Variants in COL19A1 observed in about 807,000 individuals in gnomAD.
The protein encoded by COL19A1 is collagen alpha-1(XIX) chain.
In COL19A1, 159 loss-of-function variants were observed where a neutral mutation model predicts 190.2. The observed-to-expected ratio is 0.84, with a 90% CI of 0.73 to 0.95. The LOEUF (loss-of-function observed/expected upper bound fraction) is 0.95, where lower values mean the gene tolerates loss of function less well. Ranked by LOEUF, COL19A1 falls within the 40% of genes least tolerant of loss-of-function variation. COL19A1 has a pLI of 0.00. For synonymous variants in COL19A1, 509 were observed against 458.9 expected (o/e 1.11, Z -1.39); for missense variants, 1,418 against 1,431.9 (o/e 0.99, Z 0.16).
intron 15 of COL19A1, among the ~76,000 whole-genome samples, chr6:70,086,363 TAAGAGTACATGAAACAGA>T (rs1582876586): frequency 3.9e-5 from 6 of 152,264 alleles, no homozygotes; most frequent in Admixed American, 3.3e-4. Flanking sequence ...ATTTCTTTTT[TAAGAGTACATGAAACAGA>T]AAGATAATGT....
intron 2 of COL19A1, among the ~76,000 whole-genome samples, chr6:69,888,609 T>C (rs1769107738): frequency 6.6e-6 from 1 of 151,992 alleles, no homozygotes; most frequent in Non-Finnish European, 1.5e-5. Flanking sequence ...CTGGCCAACA[T>C]GGTGAAACCC....
intron 49 of COL19A1, among the ~76,000 whole-genome samples, chr6:70,205,501 T>C (rs1297926409): frequency 1.3e-5 from 2 of 152,210 alleles, no homozygotes; most frequent in Admixed American, 1.3e-4. Context: ...ACTGAGATGC[T>C]CTCCTACTGA....
At chr6:70,152,938 C>G (rs1013450922) in intron 31 of COL19A1, among the ~76,000 whole-genome samples, 47 of 152,172 alleles carry the variant, frequency 3.1e-4, no homozygotes, top group African/African-American at 1.1e-3. Flanking sequence ...TAGGCTCTGA[C>G]GGGAAGTGGA....
chr6:70,183,080 G>A (rs911433871), intron 44 of COL19A1, among the ~76,000 whole-genome samples: 1 of 152,124 alleles, frequency 6.6e-6, no homozygotes, highest in Non-Finnish European at 1.5e-5. Context: ...GGAAGAGACA[G>A]GAAAATGTGT....
At chr6:70,146,182 T>C (rs1474615312) in intron 25 of COL19A1, among the ~76,000 whole-genome samples, 1 of 152,140 alleles carries the variant, frequency 6.6e-6, no homozygotes, top group Non-Finnish European at 1.5e-5. Context: ...ACACTGGTTT[T>C]AAAACATAAA....
At chr6:69,944,083 A>G (rs546619803) in intron 9 of COL19A1, among the ~76,000 whole-genome samples, 23 of 152,106 alleles carry the variant, frequency 1.5e-4, no homozygotes, top group Non-Finnish European at 2.5e-4. Flanking sequence ...CCTTTGTACC[A>G]GTTATGTATG....
chr6:70,023,745 C>T, intron 12 of COL19A1, 65 bp downstream of exon 12: 1 of 1,452,950 alleles, frequency 6.9e-7, no homozygotes, highest in South Asian at 1.2e-5. Flanking sequence ...CTATTTAATG[C>T]TATTAAGATT....
chr6:69,891,780 C>T (rs1769368352), intron 2 of COL19A1, among the ~76,000 whole-genome samples: 1 of 152,208 alleles, frequency 6.6e-6, no homozygotes, highest in Non-Finnish European at 1.5e-5. Flanking sequence ...ATTAATGTGG[C>T]CTTCATCCAT....
chr6:69,875,139 G>A (rs919410748), intron 1 of COL19A1, among the ~76,000 whole-genome samples: 8 of 152,178 alleles, frequency 5.3e-5, no homozygotes, highest in Non-Finnish European at 7.3e-5. Context: ...GGGCTTTTGC[G>A]CATAGTAACA....
intron 11 of COL19A1, among the ~76,000 whole-genome samples, chr6:70,017,940 G>C (rs1217257479): frequency 6.6e-6 from 1 of 152,114 alleles, no homozygotes; most frequent in African/African-American, 2.4e-5. Flanking sequence ...ATGCAAACAG[G>C]AGTATTGGGA....
At position 70,190,392 on chromosome 6, in the gene COL19A1, C is replaced by T. The variant is rs1196509443; in HGVS notation, c.3094+11C>T. On this transcript the variant is annotated intron_variant, in intron 48 of 50. Transcript: ENST00000620364. ...TAAGGATTTTTGAAGGTTAGATTTT[C>T]TTAATAACATTTTCGAATTTTTCAC... The T allele has an allele frequency of 6.4e-7, 1 of 1,569,960 alleles. No homozygotes were observed. The highest frequency in any genetic ancestry group is 1.7e-5 in the Admixed American group (1 of 58,510).
At chr6:69,924,473 G>A (rs1214724763) in intron 4 of COL19A1, among the ~76,000 whole-genome samples, 1 of 152,160 alleles carries the variant, frequency 6.6e-6, no homozygotes, top group African/African-American at 2.4e-5. Flanking sequence ...TGGTGTATAT[G>A]TGCCACATTT....
At chr6:70,141,975 T>G (rs756868855) in intron 21 of COL19A1, 47 bp downstream of exon 21, 3 of 1,610,256 alleles carry the variant, frequency 1.9e-6, no homozygotes, top group Non-Finnish European at 2.5e-6. Context: ...TTAATGAGAT[T>G]ATGAAAATTA....
chr6:69,936,413 T>G (rs76684688), intron 7 of COL19A1, among the ~76,000 whole-genome samples: 3,507 of 152,296 alleles, frequency 0.023, 134 homozygotes, highest in African/African-American at 0.078. Context: ...TGTTTCAACT[T>G]TAATTTTTGT....
intron 13 of COL19A1, 46 bp downstream of exon 13, chr6:70,034,344 C>G (rs1779231172): frequency 7.0e-7 from 1 of 1,431,398 alleles, no homozygotes; most frequent in African/African-American, 1.4e-5. Context: ...TAAGAAAACT[C>G]TGACAACCTA....
rs183847061 is a variant in COL19A1, at chr6:70,031,141, T to C, written c.1081-3104T>C. 3.3e-5 allele frequency among the ~76,000 whole-genome samples: 5 copies of C among 152,172 alleles called. No homozygotes were observed. In the East Asian group the frequency reaches 7.7e-4, roughly 23 times the overall value. On this transcript the variant is annotated intron_variant, in intron 12 of 50. Coordinates refer to ENST00000620364, the MANE Select transcript of COL19A1 (RefSeq NM_001858.6). ...GGCAAACCTTGACTTAACCCCCTAC[T>C]CCTTACCTGTGTGCTCATGACACTC...
At chr6:70,129,525 A>G (rs545046864) in intron 17 of COL19A1, among the ~76,000 whole-genome samples, 2 of 152,328 alleles carry the variant, frequency 1.3e-5, no homozygotes, top group South Asian at 2.1e-4. Flanking sequence ...GTGCATGCAC[A>G]TGGGTTGGTA....
intron 14 of COL19A1, among the ~76,000 whole-genome samples, chr6:70,061,165 G>A (rs955876139): frequency 6.6e-6 from 1 of 152,058 alleles, no homozygotes; most frequent in African/African-American, 2.4e-5. Context: ...TAATTTGTTA[G>A]TTTGGGAATA....
At position 70,151,418 on chromosome 6, in the gene COL19A1, G is replaced by C; in HGVS notation, c.2059G>C (p.Asp687His). ...GDPIALPLLG[D>H]IGALLKNFCG... ...ACAGATTGCACTTCCTCTCTTGGGA[G>C]ACATCGGTGCTTTGCTCAAGGTACT... Residue 687 changes from aspartate (D) to histidine (H), a missense_variant, in exon 31 of 51, where the codon GAC becomes CAC. By Grantham distance (81) the Asp-to-His change is moderately conservative. Transcript: ENST00000620364. 1 of 1,612,784 alleles carries C rather than the reference G, an allele frequency of 6.2e-7. No homozygotes were observed.
Sources: gnomAD v4.1 joint callset for allele counts (sites outside exome capture counted in the v4.1 genomes callset) on GRCh38, gnomAD v4.1.1 for gene constraint, MANE v1.5 for transcripts, NCBI Gene and HGNC (gene_info 2026-07-23, HGNC 2026-07-21) for gene names.